The following GCNT1 variants were observed in gnomAD, a reference collection of about 807,000 sequenced individuals.
GCNT1 encodes the protein glucosaminyl (N-acetyl) transferase 1, also known as beta-1,3-galactosyl-O-glycosyl-glycoprotein beta-1,6-N-acetylglucosaminyltransferase.
Under a neutral mutation model 26.2 loss-of-function variants are expected in GCNT1, and 16 were observed. That is an observed-to-expected ratio of 0.61 (90% CI 0.41 to 0.93). The LOEUF (loss-of-function observed/expected upper bound fraction) is 0.93. Among genes scored for constraint, GCNT1 ranks in the 40% least tolerant of loss-of-function variants. GCNT1 has a pLI of 0.00. For synonymous variants in GCNT1, 183 were observed against 190.8 expected (o/e 0.96, Z 0.34); for missense variants, 477 against 526.7 (o/e 0.91, Z 0.92).
At position 76,502,769 on chromosome 9, in the gene GCNT1, C is replaced by A. The variant is rs759615039; in HGVS notation, c.388C>A (p.His130Asn). 6.2e-6 allele frequency: 10 copies of A among 1,613,990 alleles called. No individual in the cohort carries two copies. In the Admixed American group the frequency reaches 6.7e-5, roughly 11 times the overall value. Residue 130 changes from histidine to asparagine, a missense_variant, in exon 4 of 4, where the codon CAT (histidine) becomes AAT (asparagine). Transcript: ENST00000376730. ...TCCAATAGCATATTCTATAGTGGTT[C>A]ATCACAAGATTGAAATGCTTGACAG... Reference protein sequence around the residue: ...EFPIAYSIVVHHKIEMLDRLL... With the variant: ...EFPIAYSIVVNHKIEMLDRLL...
At chr9:76,411,051 A>T in the GCNT1 span, among the ~76,000 whole-genome samples, 1 of 152,092 alleles carries the variant, frequency 6.6e-6, no homozygotes, top group South Asian at 2.1e-4. Flanking sequence ...ATCTTTCTCC[A>T]TCCCTTTACT....
Position 76,503,109 on chromosome 9 carries a change from A to G in GCNT1, c.728A>G (p.Glu243Gly). ...LKLLMGENNL[E>G]TERMPSHKEE... ...TTGTTAATGGGAGAAAACAACCTGG[A>G]AACGGAGAGGATGCCATCCCATAAA... Residue 243 changes from glutamate (E) to glycine (G), a missense_variant, in exon 4 of 4, where the codon GAA (glutamate) becomes GGA (glycine). Transcript: ENST00000376730. The G allele has an allele frequency of 6.2e-7, 1 of 1,614,200 alleles. No homozygotes were observed. The highest frequency in any genetic ancestry group is 8.5e-7 in the Non-Finnish European group (1 of 1,180,038).
At chr9:76,453,669 AAC>A (rs1823708144) in intron 1 of GCNT1, among the ~76,000 whole-genome samples, 2 of 152,238 alleles carry the variant, frequency 1.3e-5, no homozygotes, top group Non-Finnish European at 2.9e-5. Flanking sequence ...GAGCTGAGGA[AAC>A]ACAGAAGTCT....
the GCNT1 span, among the ~76,000 whole-genome samples, chr9:76,413,827 A>C: frequency 1.3e-5 from 2 of 152,040 alleles, no homozygotes; most frequent in East Asian, 3.9e-4. Context: ...TGGAATTCCC[A>C]TAACATGTAT....
the GCNT1 span, among the ~76,000 whole-genome samples, chr9:76,404,492 T>C: frequency 1.3e-5 from 2 of 152,208 alleles, no homozygotes; most frequent in Non-Finnish European, 2.9e-5. Flanking sequence ...TCACTCCTTT[T>C]ATTGAGAGGG....
At chr9:76,493,288 C>A (rs1682215784) in intron 2 of GCNT1, among the ~76,000 whole-genome samples, 1 of 152,204 alleles carries the variant, frequency 6.6e-6, no homozygotes, top group African/African-American at 2.4e-5. Context: ...CTTTCGTCAG[C>A]TGTCATTCTA....
intron 2 of GCNT1, among the ~76,000 whole-genome samples, chr9:76,464,038 G>GTT (rs67210919): frequency 1.1e-4 from 14 of 129,482 alleles, no homozygotes; most frequent in East Asian, 9.4e-4. Flanking sequence ...CTCTTTTTTT[G>GTT]TTTTTTTTTT....
At chr9:76,428,416 G>A (rs1348775189) in intron 1 of GCNT1, among the ~76,000 whole-genome samples, 1 of 151,572 alleles carries the variant, frequency 6.6e-6, no homozygotes, top group Non-Finnish European at 1.5e-5. Context: ...TTTAATTTAT[G>A]AGCTATTTTA....
chr9:76,495,772 G>T (rs538065866), intron 2 of GCNT1, among the ~76,000 whole-genome samples: 1 of 152,140 alleles, frequency 6.6e-6, no homozygotes, highest in Non-Finnish European at 1.5e-5. Context: ...GAGTGGCAAG[G>T]TCATATAGCA....
intron 1 of GCNT1, among the ~76,000 whole-genome samples, chr9:76,442,483 C>G (rs3003604): frequency 6.6e-6 from 1 of 152,056 alleles, no homozygotes; most frequent in Admixed American, 6.5e-5. Context: ...GAGTTCGAGA[C>G]CAGCCTGGCC....
chr9:76,423,269 G>C (rs1408020427), intron 1 of GCNT1, among the ~76,000 whole-genome samples: 2 of 152,204 alleles, frequency 1.3e-5, no homozygotes, highest in African/African-American at 4.8e-5. Flanking sequence ...ATGCAATGCT[G>C]TTGGGAAGTG....
At chr9:76,441,468 G>T (rs151309151), upstream of GCNT1, among the ~76,000 whole-genome samples, 21 of 152,246 alleles carry the variant, frequency 1.4e-4, no homozygotes, top group African/African-American at 4.1e-4. Flanking sequence ...ATTTGTTAAG[G>T]TTCCATAAGT....
chr9:76,404,149 G>A, the GCNT1 span, among the ~76,000 whole-genome samples: 4 of 152,098 alleles, frequency 2.6e-5, no homozygotes, highest in African/African-American at 4.8e-5. Flanking sequence ...GAATGTGACC[G>A]TGATGGCAAA....
intron 2 of GCNT1, among the ~76,000 whole-genome samples, chr9:76,487,963 G>C (rs975125316): frequency 6.6e-6 from 1 of 152,118 alleles, no homozygotes; most frequent in African/African-American, 2.4e-5. Context: ...TGAACTCCTA[G>C]GCTCAGGCGA....
intron 2 of GCNT1, among the ~76,000 whole-genome samples, chr9:76,461,194 CTTTTTTTTTTT>C (rs71372085): frequency 2.0e-3 from 254 of 125,958 alleles, no homozygotes; most frequent in Non-Finnish European, 3.1e-3. Context: ...GTGTAGGCAG[CTTTTTTTTTTT>C]TTTTTTTTTT....
At chr9:76,478,606 T>TA (rs770200192) in intron 2 of GCNT1, among the ~76,000 whole-genome samples, 1 of 152,252 alleles carries the variant, frequency 6.6e-6, no homozygotes, top group African/African-American at 2.4e-5. Context: ...GTGTCTGACT[T>TA]ACTTGAGTTA....
chr9:76,455,298 G>A (rs1823739689), upstream of GCNT1, among the ~76,000 whole-genome samples: 1 of 152,200 alleles, frequency 6.6e-6, no homozygotes, highest in Non-Finnish European at 1.5e-5. Context: ...CTGATGGAAG[G>A]AGAAAAGCCT....
chr9:76,499,242 C>T (rs1347472576), intron 2 of GCNT1, among the ~76,000 whole-genome samples: 5 of 152,042 alleles, frequency 3.3e-5, no homozygotes, highest in Non-Finnish European at 7.3e-5. Context: ...ATTCTCCTGC[C>T]TCTGCCTCTC....
At chr9:76,430,341 G>T (rs1823319661) in intron 1 of GCNT1, among the ~76,000 whole-genome samples, 2 of 151,840 alleles carry the variant, frequency 1.3e-5, no homozygotes, top group African/African-American at 2.4e-5. Flanking sequence ...CATTTTTCTG[G>T]TCATTAGTAA....
Sources: gnomAD v4.1 joint callset for allele counts (sites outside exome capture counted in the v4.1 genomes callset) on GRCh38, gnomAD v4.1.1 for gene constraint, MANE v1.5 for transcripts, NCBI Gene and HGNC (gene_info 2026-07-23, HGNC 2026-07-21) for gene names.